The following SNRPB2 variants were observed in gnomAD, a reference collection of about 807,000 sequenced individuals.
SNRPB2 encodes U2 small nuclear ribonucleoprotein B''.
SNRPB2 carries 16 observed loss-of-function variants against 26.3 expected under a neutral mutation model. The ratio of observed to expected loss-of-function variants is 0.61; its 90% CI spans 0.41 to 0.92. The LOEUF (loss-of-function observed/expected upper bound fraction) is 0.92. Among genes scored for constraint, SNRPB2 ranks in the 40% least tolerant of loss-of-function variants. The pLI is 0.00. For missense variants in SNRPB2, 179 were observed against 268.1 expected (o/e 0.67, Z 2.32); for synonymous variants, 75 against 89.0 (o/e 0.84, Z 0.88).
At position 16,738,998 on chromosome 20, in the gene SNRPB2, A is replaced by G. The variant is rs1338155344; in HGVS notation, c.429+96A>G. 3.8e-6 allele frequency: 3 copies of G among 799,468 alleles called. No individual in the cohort carries two copies. In the South Asian group the frequency reaches 4.3e-5, roughly 12 times the overall value. The allele number at this position is 799,468 out of a possible 1,614,324, so 49.5% of individuals were successfully genotyped here. On this transcript the variant is annotated intron_variant, in intron 5 of 6. Coordinates refer to ENST00000246071, the MANE Select transcript of SNRPB2 (RefSeq NM_003092.5). ...TTTCCATGTCTCCAAAAACAAAATG[A>G]TTTCATCTACAAGACACAGTGCGTT... is the stretch of plus-strand genomic sequence containing the variant.
rs78041430 is a variant in SNRPB2 at position 16,737,034 on chromosome 20, A to G, written c.238-227A>G. On this transcript the variant is annotated intron_variant, in intron 3 of 6. Transcript: ENST00000246071. ...TCCTGTGTTTCTCACATGAAAATATATGTTTTTTTAATCTAATAAACACAC... is the reference window on the plus strand; with the variant it reads ...TCCTGTGTTTCTCACATGAAAATATGTGTTTTTTTAATCTAATAAACACAC... 6.8e-3 allele frequency among the ~76,000 whole-genome samples: 1,030 copies of G among 152,328 alleles called. 10 individuals are homozygous for G. Among genetic ancestry groups the G allele is most frequent in the African/African-American group, 0.023 (941 of 41,570 alleles).
chr20:16,731,497 T>C (rs1440529402), intron 1 of SNRPB2, among the ~76,000 whole-genome samples, 171 bp from the exon 2 acceptor site: 1 of 151,700 alleles, frequency 6.6e-6, no homozygotes, highest in African/African-American at 2.4e-5. Flanking sequence ...GAAACTGTTC[T>C]TCTTCTGTAT....
chr20:16,732,382 T>C (rs1304044921), intron 3 of SNRPB2, 46 bp downstream of exon 3: 4 of 1,006,320 alleles, frequency 4.0e-6, no homozygotes, highest in East Asian at 5.1e-5. Flanking sequence ...ATTAATGATA[T>C]TGATGGGACA....
intron 3 of SNRPB2, among the ~76,000 whole-genome samples, chr20:16,736,612 C>G (rs928490733): frequency 2.0e-5 from 3 of 152,110 alleles, no homozygotes; most frequent in African/African-American, 7.2e-5. Context: ...TTCTGTGGGC[C>G]TATTCTATCT....
At chr20:16,736,047 T>C (rs1162532243) in intron 3 of SNRPB2, among the ~76,000 whole-genome samples, 1 of 152,240 alleles carries the variant, frequency 6.6e-6, no homozygotes, top group Non-Finnish European at 1.5e-5. Flanking sequence ...TAAACACACG[T>C]GCTTATAGCA....
In SNRPB2 at chr20:16,740,173, G is replaced by A. The variant is rs559422756; in HGVS notation, c.430-152G>A. 2.2e-6 allele frequency: 3 copies of A among 1,382,512 alleles called. No individual in the cohort carries two copies. In the African/African-American group the frequency reaches 4.4e-5, roughly 20 times the overall value. The allele number at this position is 1,382,512 out of a possible 1,614,324, so 85.6% of individuals were successfully genotyped here. A position where few individuals can be genotyped will look rare whatever the true frequency, so the allele number is the denominator to read the frequency against. ...AGACTTTCAGTGTCTTTACTTGAATGTCTGCCTTGCTTAGTTACTGTAAGG... is the reference window on the plus strand; with the variant it reads ...AGACTTTCAGTGTCTTTACTTGAATATCTGCCTTGCTTAGTTACTGTAAGG... On this transcript the variant is annotated intron_variant, in intron 5 of 6. Transcript: ENST00000246071.
chr20:16,734,647 G>A (rs1190710273), intron 3 of SNRPB2, among the ~76,000 whole-genome samples: 2 of 152,250 alleles, frequency 1.3e-5, no homozygotes, highest in East Asian at 3.9e-4. Context: ...TGTTGCAGGG[G>A]GCTGTCTTGT....
chr20:16,732,077 G>T (rs2072395627), intron 2 of SNRPB2, 87 bp from the exon 3 acceptor site: 1 of 772,986 alleles, frequency 1.3e-6, no homozygotes, highest in Non-Finnish European at 2.2e-6. Context: ...TGAATGGTGG[G>T]GGGGGCAACT....
chr20:16,738,950 A>C (rs553876875), intron 5 of SNRPB2, 48 bp downstream of exon 5: 1 of 1,220,082 alleles, frequency 8.2e-7, no homozygotes, highest in East Asian at 2.3e-5. Flanking sequence ...GATTGTAAAA[A>C]TTACAGCAGT....
At chr20:16,739,002 C>T (rs2072446217) in intron 5 of SNRPB2, 100 bp downstream of exon 5, 1 of 777,728 alleles carries the variant, frequency 1.3e-6, no homozygotes, top group South Asian at 1.5e-5. Context: ...AAAATGATTT[C>T]ATCTACAAGA....
intron 4 of SNRPB2, among the ~76,000 whole-genome samples, chr20:16,737,795 G>A (rs542365822): frequency 6.6e-6 from 1 of 152,162 alleles, no homozygotes; most frequent in African/African-American, 2.4e-5. Context: ...CCAGCACTTT[G>A]GGAGGCCGAG....
At chr20:16,737,468 G>C in intron 4 of SNRPB2, 67 bp downstream of exon 4, 1 of 1,416,170 alleles carries the variant, frequency 7.1e-7, no homozygotes, top group Non-Finnish European at 9.6e-7. Context: ...TTGTCTTACA[G>C]GTAAGGAATG....
At chr20:16,739,406 C>T (rs939993209) in intron 5 of SNRPB2, among the ~76,000 whole-genome samples, 5 of 151,928 alleles carry the variant, frequency 3.3e-5, no homozygotes, top group Admixed American at 2.0e-4. Flanking sequence ...TTAGAAACTC[C>T]GTATTAAATC....
chr20:16,737,671 G>C (rs2072435339), intron 4 of SNRPB2, among the ~76,000 whole-genome samples: 1 of 152,036 alleles, frequency 6.6e-6, no homozygotes, highest in Admixed American at 6.5e-5. Flanking sequence ...ATACCTTTTG[G>C]TTTATTTCTC....
rs2122504386 is a variant in SNRPB2, at chr20:16,737,289, A to T, written c.266A>T (p.Asp89Val). 6.3e-7 allele frequency: 1 copy of T among 1,599,138 alleles called. No individual in the cohort carries two copies. The highest frequency in any genetic ancestry group is 8.5e-7 in the Non-Finnish European group (1 of 1,175,980). The change falls in exon 4 of 7, where the codon GAT becomes GTT. Residue 89 changes from aspartate to valine, a missense_variant. Physicochemically the swap from Asp to Val is radical, Grantham distance 152. Around this residue, in one of 2 missense-constraint regions of SNRPB2, gnomAD observed 145 missense variants for 180.7 expected, o/e 0.80. Coordinates refer to ENST00000246071, the MANE Select transcript of SNRPB2 (RefSeq NM_003092.5). ...MRIQYAKTDS[D>V]IISKMRGTFA... The stretch of plus-strand genomic sequence containing the variant: ...ATACAGTATGCAAAAACAGATTCGG[A>T]TATAATATCAAAAATGCGTGGAACT...
intron 4 of SNRPB2, 53 bp from the exon 5 acceptor site, chr20:16,738,799 C>A: frequency 1.1e-6 from 1 of 938,136 alleles, no homozygotes; most frequent in Non-Finnish European, 1.8e-6. Context: ...TAAATACCTG[C>A]TGCGTTTTTG....
rs894837024 is a variant in SNRPB2 at position 16,731,899 on chromosome 20, A to T, written c.64+133A>T. ...AATAATGGTTTATCCCATTTCCTAT[A>T]GGGATTTGAAGGCTTTTAAAAAACA... On this transcript the variant is annotated intron_variant, in intron 2 of 6. Coordinates refer to ENST00000246071, the MANE Select transcript of SNRPB2 (RefSeq NM_003092.5). 2.1e-6 allele frequency: 3 copies of T among 1,407,398 alleles called. No individual in the cohort carries two copies. The African/African-American group carries it at 4.4e-5, about 20-fold the overall frequency. 87.2% of individuals were successfully genotyped at this position (1,407,398 alleles called of 1,614,324 possible). A position where few individuals can be genotyped will look rare whatever the true frequency, so the allele number is the denominator to read the frequency against.
Position 16,741,123 on chromosome 20 carries a change from G to T in SNRPB2, c.*118G>T. 3.1e-6 allele frequency: 2 copies of T among 644,388 alleles called. No homozygotes were observed. Among genetic ancestry groups the T allele is most frequent in the Non-Finnish European group, 5.1e-6 (2 of 393,408 alleles). The allele number at this position is 644,388 out of a possible 1,614,324, so 39.9% of individuals were successfully genotyped here. ...GGAGGAGTAAAAGTGAAATTTTTGTGAAGGACTTAAATTATCCAGTGTTTC... is the reference window on the plus strand; with the variant it reads ...GGAGGAGTAAAAGTGAAATTTTTGTTAAGGACTTAAATTATCCAGTGTTTC... On this transcript the variant is annotated 3_prime_UTR_variant, in exon 7 of 7. Coordinates refer to ENST00000246071, the MANE Select transcript of SNRPB2 (RefSeq NM_003092.5).
chr20:16,730,759 C>G (rs936374939), intron 1 of SNRPB2: 1 of 152,188 alleles, frequency 6.6e-6, no homozygotes, highest in African/African-American at 2.4e-5. Context: ...GGAAATCATC[C>G]AAGTTCACAA....
Sources: allele counts gnomAD v4.1 joint callset (sites outside exome capture counted in the v4.1 genomes callset), GRCh38; gene constraint gnomAD v4.1.1; regional missense constraint gnomAD v4.1.1; transcripts MANE v1.5; gene names NCBI Gene and HGNC (gene_info 2026-07-23, HGNC 2026-07-21).